Variants in AMPD3 observed in about 807,000 individuals in gnomAD.
AMPD3 encodes the protein adenosine monophosphate deaminase 3.
In AMPD3, 57 loss-of-function variants were observed where a neutral mutation model predicts 82.3. That is an observed-to-expected ratio of 0.69 (90% CI 0.56 to 0.86). AMPD3 has a LOEUF of 0.86. AMPD3 is among the 40% of genes least tolerant of loss of function. The pLI, the probability that AMPD3 is intolerant of heterozygous loss-of-function variation, is 0.00. For synonymous variants in AMPD3, 381 were observed against 394.7 expected, an observed-to-expected ratio of 0.97 and a Z score of 0.41; for missense variants, 870 against 1,003.8, an observed-to-expected ratio of 0.87 and a Z score of 1.80.
intron 2 of AMPD3, among the ~76,000 whole-genome samples, chr11:10,475,784 T>C (rs747683169): frequency 2.2e-4 from 33 of 152,166 alleles, no homozygotes; most frequent in Non-Finnish European, 4.1e-4. Context: ...AAGGGGGCTA[T>C]GTGCAGGGAT....
At chr11:10,455,866 G>C in intron 1 of AMPD3, 1 of 980,014 alleles carries the variant, frequency 1.0e-6, no homozygotes, top group South Asian at 4.7e-5. Context: ...CTGTACCTGA[G>C]ACCAATCCCC....
At chr11:10,485,172 T>C in intron 5 of AMPD3, 133 bp downstream of exon 5, 1 of 825,062 alleles carries the variant, frequency 1.2e-6, no homozygotes, top group Non-Finnish European at 2.0e-6. Context: ...CGGTTTCTCC[T>C]TTCCTCAGTG....
chr11:10,477,950 A>G (rs577822732), intron 2 of AMPD3: 2 of 985,446 alleles, frequency 2.0e-6, no homozygotes, highest in East Asian at 2.3e-4. Context: ...GGTCCTGAGC[A>G]CTGTCTCGAC....
chr11:10,474,264 T>G (rs919509982), intron 2 of AMPD3, among the ~76,000 whole-genome samples: 2 of 152,216 alleles, frequency 1.3e-5, no homozygotes, highest in African/African-American at 2.4e-5. Flanking sequence ...GGTCCACGTG[T>G]GGCCCCCAGC....
At chr11:10,494,431 T>A (rs1276639830) in intron 7 of AMPD3, 1 of 436,468 alleles carries the variant, frequency 2.3e-6, no homozygotes, top group Non-Finnish European at 3.0e-6. Flanking sequence ...ACAATGTCAA[T>A]GTACTTAAAG....
At chr11:10,455,212 A>G, upstream of AMPD3, 9 of 985,432 alleles carry the variant, frequency 9.1e-6, no homozygotes, top group Non-Finnish European at 1.1e-5. Flanking sequence ...TCCCAGGACC[A>G]CAGGATTTGC....
At chr11:10,451,405 A>AGG (rs1433251203), upstream of AMPD3, among the ~76,000 whole-genome samples, 1 of 152,204 alleles carries the variant, frequency 6.6e-6, no homozygotes, top group African/African-American at 2.4e-5. Context: ...GCTGAGGTGG[A>AGG]CTTCTACCTG....
upstream of AMPD3, among the ~76,000 whole-genome samples, chr11:10,452,798 T>C (rs1847993640): frequency 6.6e-6 from 1 of 152,216 alleles, no homozygotes; most frequent in Admixed American, 6.5e-5. Context: ...TTATGCTCAT[T>C]GTCATGGCAA....
At chr11:10,497,486 C>A in intron 10 of AMPD3, 2 of 809,344 alleles carry the variant, frequency 2.5e-6, no homozygotes, top group Non-Finnish European at 3.0e-6. Context: ...CCGGTCCCAC[C>A]CTCCGGATGC....
Position 10,487,142 on chromosome 11 carries a change from C to A in AMPD3, c.810-93C>A, listed in dbSNP as rs533174349. On this transcript the variant is annotated intron_variant, in intron 5 of 14. Transcript: ENST00000396553. ...CCGCCCTGCTCCGTCCTGACCCTTC[C>A]AGCCAGGGTTGGCCCCTGCAGATGC... 4.9e-5 allele frequency: 79 copies of A among 1,598,158 alleles called. No individual in the cohort carries two copies. In the African/African-American group the frequency reaches 7.2e-4, roughly 15 times the overall value.
At position 10,456,017 on chromosome 11, in the gene AMPD3, C is replaced by T. The variant is rs941917440; in HGVS notation, c.-6+569C>T. On this transcript the variant is annotated intron_variant, in intron 1 of 14. Coordinates refer to ENST00000396553, the MANE Select transcript of AMPD3 (RefSeq NM_001025389.2). This position sits in a 1 kb window ranked among gnomAD's most constrained non-coding sequence, Gnocchi z 4.3. ...GCTTATCTCCTGCAGCTGGGCAGGA[C>T]GGCTGAGTTTACTGTTGTAAAGAGG... 20 of 985,234 alleles carry T rather than the reference C, an allele frequency of 2.0e-5. No individual in the cohort carries two copies. The highest frequency in any genetic ancestry group is 9.4e-5 in the South Asian group (2 of 21,282). 61.0% of individuals were successfully genotyped at this position (985,234 alleles called of 1,614,324 possible).
chr11:10,450,628 C>T (rs1340016586), upstream of AMPD3: 2 of 997,912 alleles, frequency 2.0e-6, no homozygotes, highest in Non-Finnish European at 2.4e-6. Flanking sequence ...CCCCGCGGAG[C>T]CCAGGAGGCG....
In AMPD3 at chr11:10,491,959, G is replaced by A. The variant is rs112064717; in HGVS notation, c.940-1390G>A. 9.4e-3 allele frequency among the ~76,000 whole-genome samples: 1,434 copies of A among 152,352 alleles called. 26 individuals are homozygous for A. Among genetic ancestry groups the A allele is most frequent in the African/African-American group, 0.033 (1,355 of 41,580 alleles). Reference sequence around the variant, plus strand: ...TAATTAAATGCACAGAAATGGAACAGATCACCTTTGGAGAGAATTTATAGT... The same window carrying A: ...TAATTAAATGCACAGAAATGGAACAAATCACCTTTGGAGAGAATTTATAGT... On this transcript the variant is annotated intron_variant, in intron 6 of 14. Coordinates refer to ENST00000396553, the MANE Select transcript of AMPD3 (RefSeq NM_001025389.2).
At chr11:10,451,087 G>A (rs1398729940), upstream of AMPD3, 3 of 1,551,784 alleles carry the variant, frequency 1.9e-6, no homozygotes, top group South Asian at 2.3e-5. Context: ...GGCCAGCCCC[G>A]CGGACCCTGC....
At chr11:10,497,492 G>GT (rs1849446900) in intron 10 of AMPD3, 2 of 853,792 alleles carry the variant, frequency 2.3e-6, no homozygotes, top group Non-Finnish European at 2.8e-6. Flanking sequence ...CCACCCTCCG[G>GT]ATGCCTGGGA....
At position 10,482,003 on chromosome 11, in the gene AMPD3, C is replaced by T. The variant is rs899571731; in HGVS notation, c.427-60C>T. On this transcript the variant is annotated intron_variant, in intron 3 of 14. Coordinates refer to ENST00000396553, the MANE Select transcript of AMPD3 (RefSeq NM_001025389.2). ...GGCCAATCTTGCAAGCACATCTTTC[C>T]AAGGATGGCAGTCTCAGGCCTGCTG... The T allele has an allele frequency of 5.9e-5, 95 of 1,608,624 alleles. 2 individuals are homozygous for T. The highest frequency in any genetic ancestry group is 1.9e-5 in the Non-Finnish European group (22 of 1,175,520).
intron 13 of AMPD3, chr11:10,504,013 C>T: frequency 1.0e-6 from 1 of 985,268 alleles, no homozygotes; most frequent in Non-Finnish European, 1.2e-6. Context: ...AAAACCACAG[C>T]TCAAACCCAG....
chr11:10,470,034 C>T (rs555610076), intron 2 of AMPD3, among the ~76,000 whole-genome samples: 139 of 126,764 alleles, frequency 1.1e-3, no homozygotes, highest in African/African-American at 3.6e-3. Flanking sequence ...AGCGAGACTC[C>T]GTCTCAAAAA....
At chr11:10,492,826 T>C (rs1849275777) in intron 6 of AMPD3, among the ~76,000 whole-genome samples, 1 of 151,836 alleles carries the variant, frequency 6.6e-6, no homozygotes, top group South Asian at 2.1e-4. Flanking sequence ...GGCTCCCAAA[T>C]GGAGGAGGTT....
Sources: gnomAD v4.1 joint callset for allele counts (sites outside exome capture counted in the v4.1 genomes callset) on GRCh38, gnomAD v4.1.1 for gene constraint, Gnocchi (gnomAD v3.1) non-coding constraint, MANE v1.5 for transcripts, NCBI Gene and HGNC (gene_info 2026-07-23, HGNC 2026-07-21) for gene names.